The following FAIM2 variants were observed in gnomAD, a reference collection of about 807,000 sequenced individuals.
The protein encoded by FAIM2 is protein lifeguard 2.
In FAIM2, 27 loss-of-function variants were observed where a neutral mutation model predicts 47.4. That is an observed-to-expected ratio of 0.57 (90% CI 0.42 to 0.78). FAIM2 has a LOEUF of 0.78. Ranked by LOEUF, FAIM2 falls within the 30% of genes least tolerant of loss-of-function variation. The pLI is 0.00. For missense variants in FAIM2, 311 were observed against 389.4 expected (o/e 0.80, Z 1.69); for synonymous variants, 156 against 159.3 (o/e 0.98, Z 0.16).
chr12:49,879,348 ATG>A (rs796770856), intron 11 of FAIM2, among the ~76,000 whole-genome samples: 2 of 138,560 alleles, frequency 1.4e-5, no homozygotes, highest in African/African-American at 2.8e-5. Context: ...TTATGTGTGC[ATG>A]TGAGTGCATG....
intron 11 of FAIM2, among the ~76,000 whole-genome samples, chr12:49,875,891 G>T (rs748779651): frequency 2.6e-5 from 4 of 152,100 alleles, no homozygotes; most frequent in Non-Finnish European, 4.4e-5. Context: ...GAGGAGAATC[G>T]CTTGAACCCG....
At chr12:49,886,870 C>A (rs571136209) in intron 11 of FAIM2, among the ~76,000 whole-genome samples, 1 of 152,212 alleles carries the variant, frequency 6.6e-6, no homozygotes, top group African/African-American at 2.4e-5. Context: ...AGCAAGTGTT[C>A]AATAAATATT....
rs779843211 is a variant in FAIM2, at chr12:49,870,451, A to T, written c.*53T>A. 6.5e-7 allele frequency: 1 copy of T among 1,548,830 alleles called. No individual in the cohort carries two copies. The highest frequency in any genetic ancestry group is 8.9e-7 in the Non-Finnish European group (1 of 1,127,694). The stretch of plus-strand genomic sequence containing the variant: ...TCTCGCAGGAGCGCAGGGGAGGGAC[A>T]GGGAACCAGGAGGGGCGCATTCTCT... On this transcript the variant is annotated 3_prime_UTR_variant, in exon 12 of 12. Coordinates refer to ENST00000320634, the MANE Select transcript of FAIM2 (RefSeq NM_012306.4).
rs539598192 is a variant in FAIM2 at position 49,868,998 on chromosome 12, A to AC, written c.*1505dup. ...CACCTCGTCTCCCTTCCCAAGGCAG[A>AC]CGGAGCTCCCAGCACAGGGGAGAGA... On this transcript the variant is annotated 3_prime_UTR_variant, in exon 12 of 12. Transcript: ENST00000320634. 57 of 152,586 alleles carry AC rather than the reference A, an allele frequency of 3.7e-4. No homozygotes were observed. The highest frequency in any genetic ancestry group is 1.3e-3 in the African/African-American group (53 of 41,596). 9.5% of individuals were successfully genotyped at this position (152,586 alleles called of 1,614,324 possible).
At chr12:49,880,881 A>T (rs199762146) in intron 11 of FAIM2, among the ~76,000 whole-genome samples, 21 of 150,964 alleles carry the variant, frequency 1.4e-4, no homozygotes, top group East Asian at 5.9e-4. Context: ...CGTGAATGTG[A>T]GTGTGTGTGT....
At chr12:49,880,753 TGCGC>T (rs1946818127) in intron 11 of FAIM2, among the ~76,000 whole-genome samples, 2 of 151,910 alleles carry the variant, frequency 1.3e-5, no homozygotes, top group African/African-American at 4.8e-5. Flanking sequence ...CATGTGTGTG[TGCGC>T]ATGTGGGTAT....
intron 1 of FAIM2, among the ~76,000 whole-genome samples, chr12:49,902,640 G>A (rs1565621561): frequency 1.3e-5 from 2 of 151,926 alleles, no homozygotes; most frequent in Non-Finnish European, 2.9e-5. Flanking sequence ...TCAGCAGAAG[G>A]GGTGAGTTCT....
At chr12:49,895,153 TG>T (rs1422998711) in intron 5 of FAIM2, among the ~76,000 whole-genome samples, 1 of 152,112 alleles carries the variant, frequency 6.6e-6, no homozygotes, top group Non-Finnish European at 1.5e-5. Context: ...TTTCACACTT[TG>T]GAACACCCTA....
chr12:49,902,143 G>A (rs1021047137), intron 1 of FAIM2: 2 of 152,200 alleles, frequency 1.3e-5, no homozygotes, highest in Non-Finnish European at 2.9e-5. Flanking sequence ...CCCATGGCAG[G>A]TTGGAAATGC....
At chr12:49,879,903 T>C (rs1197033485) in intron 11 of FAIM2, among the ~76,000 whole-genome samples, 2 of 150,778 alleles carry the variant, frequency 1.3e-5, no homozygotes, top group African/African-American at 4.9e-5. Context: ...TGTATGTGCA[T>C]GTGTATATGT....
chr12:49,880,851 G>A (rs1365862738), intron 11 of FAIM2, among the ~76,000 whole-genome samples: 1 of 148,698 alleles, frequency 6.7e-6, no homozygotes, highest in African/African-American at 2.5e-5. Context: ...TATGTATATG[G>A]ATATGCATGT....
intron 5 of FAIM2, among the ~76,000 whole-genome samples, chr12:49,895,656 T>C (rs1230430703): frequency 6.6e-6 from 1 of 152,048 alleles, no homozygotes; most frequent in East Asian, 1.9e-4. Context: ...TGTCCTCTGC[T>C]CTAGGAAAGA....
At chr12:49,902,874 G>T (rs1946990886) in intron 1 of FAIM2, 1 of 152,228 alleles carries the variant, frequency 6.6e-6, no homozygotes, top group Admixed American at 6.5e-5. Context: ...GTATCACCCA[G>T]TGACATCATT....
At chr12:49,897,764 A>C (rs979533838) in intron 3 of FAIM2, among the ~76,000 whole-genome samples, 181 bp from the exon 4 acceptor site, 10 of 149,984 alleles carry the variant, frequency 6.7e-5, no homozygotes, top group Admixed American at 2.7e-4. Flanking sequence ...AGCCAAGCGC[A>C]CCCCCCCCCA....
intron 11 of FAIM2, among the ~76,000 whole-genome samples, chr12:49,880,715 T>C (rs1946816472): frequency 2.2e-5 from 2 of 91,024 alleles, no homozygotes; most frequent in South Asian, 7.7e-4. Flanking sequence ...TGTGTGTACA[T>C]GCGTGTATAT....
At chr12:49,883,914 T>C (rs1310960155) in intron 11 of FAIM2, among the ~76,000 whole-genome samples, 1 of 151,468 alleles carries the variant, frequency 6.6e-6, no homozygotes, top group Non-Finnish European at 1.5e-5. Flanking sequence ...TGGATGAGAG[T>C]GTGTTTAAGA....
chr12:49,880,881 A>AGT (rs56101227), intron 11 of FAIM2, among the ~76,000 whole-genome samples: 2,928 of 150,844 alleles, frequency 0.019, 84 homozygotes, highest in African/African-American at 0.065. Flanking sequence ...CGTGAATGTG[A>AGT]GTGTGTGTGT....
chr12:49,883,112 G>A (rs529618896), intron 11 of FAIM2, among the ~76,000 whole-genome samples: 15 of 152,264 alleles, frequency 9.9e-5, no homozygotes, highest in Non-Finnish European at 1.8e-4. Flanking sequence ...CACACAGCAC[G>A]AGTCCAGTGT....
Position 49,889,119 on chromosome 12 carries a change from T to C in FAIM2, c.735A>G (p.Leu245=), listed in dbSNP as rs1946881525. 6.2e-7 allele frequency: 1 copy of C among 1,608,260 alleles called. No homozygotes were observed. The highest frequency in any genetic ancestry group is 8.5e-7 in the Non-Finnish European group (1 of 1,177,112). ...FFSGLILAIL[L]PFQYVPWLHA... ...CCCAGAGACTCACATATTGGAAGGG[T>C]AGGAGGATGGCCAGGATGAGTCCGC... is the stretch of plus-strand genomic sequence containing the variant. The change falls in exon 10 of 12, where the codon CTA becomes CTG. Residue 245 remains leucine (L), a synonymous_variant. Transcript: ENST00000320634.
Sources: gnomAD v4.1 joint callset for allele counts (sites outside exome capture counted in the v4.1 genomes callset) on GRCh38, gnomAD v4.1.1 for gene constraint, MANE v1.5 for transcripts, NCBI Gene and HGNC (gene_info 2026-07-23, HGNC 2026-07-21) for gene names.